DROSHA: variants seen among roughly 807,000 people sequenced by gnomAD.
The protein encoded by DROSHA is drosha ribonuclease III.
DROSHA carries 56 observed loss-of-function variants against 181.9 expected under a neutral mutation model. That is an observed-to-expected ratio of 0.31 (90% confidence interval 0.25 to 0.38). The LOEUF (loss-of-function observed/expected upper bound fraction) is 0.38, where lower values mean the gene tolerates loss of function less well. Ranked by LOEUF, DROSHA falls within the 10% of genes least tolerant of loss-of-function variation. The pLI is 1.00. For missense variants in DROSHA, 1,218 were observed against 1,743.5 expected (o/e 0.70, Z 5.37); for synonymous variants, 524 against 591.2 (o/e 0.89, Z 1.65).
intron 22 of DROSHA, among the ~76,000 whole-genome samples, chr5:31,449,026 T>G (rs1017002091): frequency 3.3e-5 from 5 of 151,938 alleles, no homozygotes; most frequent in African/African-American, 1.2e-4. Context: ...TCCCAGCTAT[T>G]TGGGAGGCTA....
chr5:31,508,508 C>T (rs1448397169), intron 10 of DROSHA, 113 bp downstream of exon 10: 1 of 1,487,068 alleles, frequency 6.7e-7, no homozygotes, highest in Non-Finnish European at 9.2e-7. Context: ...AGGACAAAAC[C>T]CTGACAGTAA....
In DROSHA at chr5:31,454,576, G is replaced by C. The variant is rs554400310; in HGVS notation, c.2575-2936C>G. On this transcript the variant is annotated intron_variant, in intron 20 of 35. Coordinates refer to ENST00000344624, the MANE Select transcript of DROSHA (RefSeq NM_001382508.1). ...AAGTTTCTTAAACAGCAACAGAAAA[G>C]AATCACGATCAAATCCCATTCAAAG... is the stretch of plus-strand genomic sequence containing the variant. Among the ~76,000 whole-genome samples, 7 of 152,102 alleles carry C rather than the reference G, an allele frequency of 4.6e-5. No homozygotes were observed. The South Asian group carries it at 1.5e-3, about 32-fold the overall frequency.
At chr5:31,468,848 G>C (rs539348602) in intron 17 of DROSHA, among the ~76,000 whole-genome samples, 8 of 152,152 alleles carry the variant, frequency 5.3e-5, no homozygotes, top group Non-Finnish European at 1.2e-4. Flanking sequence ...TGGAGGCTAA[G>C]GCTGTTAAAA....
chr5:31,531,624 C>A (rs917009701), intron 1 of DROSHA, 99 bp from the exon 2 acceptor site: 1 of 152,198 alleles, frequency 6.6e-6, no homozygotes, highest in African/African-American at 2.4e-5. Flanking sequence ...CCAGGTGGAT[C>A]TGCAGGGCAG....
chr5:31,487,085 CTAACAT>C (rs1751871992), intron 13 of DROSHA, among the ~76,000 whole-genome samples: 1 of 152,070 alleles, frequency 6.6e-6, no homozygotes, highest in Non-Finnish European at 1.5e-5. Flanking sequence ...ATAATAATAG[CTAACAT>C]TTTTTGAGCC....
intron 16 of DROSHA, among the ~76,000 whole-genome samples, chr5:31,476,474 T>C (rs1029503140): frequency 7.2e-5 from 11 of 152,276 alleles, no homozygotes; most frequent in African/African-American, 2.4e-4. Flanking sequence ...CATAGCAGCA[T>C]AGAAACAAGA....
intron 11 of DROSHA, among the ~76,000 whole-genome samples, chr5:31,503,070 G>C (rs1172362086): frequency 6.6e-6 from 1 of 152,104 alleles, no homozygotes; most frequent in Non-Finnish European, 1.5e-5. Context: ...TCTCACACAT[G>C]GAGGTCCATC....
At chr5:31,488,611 T>G (rs1752057605) in intron 13 of DROSHA, among the ~76,000 whole-genome samples, 1 of 152,110 alleles carries the variant, frequency 6.6e-6, no homozygotes, top group Non-Finnish European at 1.5e-5. Context: ...ATGAACTCTA[T>G]TATGTAGCCC....
chr5:31,462,822 AG>A (rs1215515399), intron 20 of DROSHA, among the ~76,000 whole-genome samples: 1 of 150,268 alleles, frequency 6.7e-6, no homozygotes, highest in Non-Finnish European at 1.5e-5. Context: ...TGGCTCTAGA[AG>A]GGTTTTGTAT....
rs1483009330 is a variant in DROSHA, at chr5:31,411,850, C to T, written c.3526-963G>A. Among the ~76,000 whole-genome samples, 1 of 152,356 alleles carries T rather than the reference C, an allele frequency of 6.6e-6. No homozygotes were observed. Among genetic ancestry groups the T allele is most frequent in the Admixed American group, 6.5e-5 (1 of 15,312 alleles). ...CCATGTTGCCTAGGCTGGTCTCGAA[C>T]TCCAGAGCTCAAGTGATCCACCCAC... On this transcript the variant is annotated intron_variant, in intron 30 of 35. Coordinates refer to ENST00000344624, the MANE Select transcript of DROSHA (RefSeq NM_001382508.1). This position sits in a 1 kb window ranked among gnomAD's most constrained non-coding sequence, Gnocchi z 4.2.
intron 13 of DROSHA, chr5:31,488,864 A>G (rs1752080561): frequency 6.6e-6 from 1 of 152,264 alleles, no homozygotes; most frequent in Non-Finnish European, 1.5e-5. Flanking sequence ...TTACTGAAAT[A>G]TACAGTGACC....
intron 35 of DROSHA, among the ~76,000 whole-genome samples, chr5:31,402,468 TATTTA>T (rs774005068): frequency 3.3e-5 from 5 of 152,108 alleles, no homozygotes; most frequent in Non-Finnish European, 7.3e-5. Flanking sequence ...TGTTCAATTT[TATTTA>T]ATTATTGTTA....
rs1740921880 is a variant in DROSHA, at chr5:31,529,065, T to C, written c.-6A>G. 1 of 1,613,068 alleles carries C rather than the reference T, an allele frequency of 6.2e-7. No individual in the cohort carries two copies. The highest frequency in any genetic ancestry group is 8.5e-7 in the Non-Finnish European group (1 of 1,179,610). On this transcript the variant is annotated 5_prime_UTR_variant, in exon 4 of 36. Transcript: ENST00000344624. ...CATGTGTTTCCCTGCATCATGATGT[T>C]CCGCCTGGATATGTCACATCTTCCA...
intron 28 of DROSHA, 75 bp downstream of exon 28, chr5:31,424,352 G>A (rs1743197504): frequency 6.6e-7 from 1 of 1,526,280 alleles, no homozygotes; most frequent in Non-Finnish European, 8.9e-7. Context: ...AGTGGGGAAG[G>A]AAAAAAAGGC....
intron 26 of DROSHA, among the ~76,000 whole-genome samples, chr5:31,431,359 T>A (rs1744150470): frequency 3.1e-5 from 2 of 64,792 alleles, no homozygotes; most frequent in Admixed American, 2.5e-4. Context: ...ATTCAGGCAG[T>A]AGAATGCAAA....
chr5:31,509,725 C>A (rs1163165639), intron 9 of DROSHA, among the ~76,000 whole-genome samples: 1 of 152,104 alleles, frequency 6.6e-6, no homozygotes, highest in African/African-American at 2.4e-5. Flanking sequence ...GGTGTTAGTC[C>A]TTAAAGTGAC....
At chr5:31,483,994 C>T (rs1380470776) in intron 15 of DROSHA, among the ~76,000 whole-genome samples, 1 of 112,540 alleles carries the variant, frequency 8.9e-6, no homozygotes, top group African/African-American at 2.5e-5. Flanking sequence ...ATTTTAATCA[C>T]TACACTAAAA....
In DROSHA at chr5:31,526,407, T is replaced by G. The variant is rs1350877796; in HGVS notation, c.526A>C (p.Asn176His). The G allele has an allele frequency of 1.9e-6, 3 of 1,610,890 alleles. No individual in the cohort carries two copies. The highest frequency in any genetic ancestry group is 2.5e-6 in the Non-Finnish European group (3 of 1,179,460). The change falls in exon 5 of 36, where the codon AAC becomes CAC. Residue 176 changes from asparagine (N) to histidine (H), a missense_variant. Around this residue, in one of 8 missense-constraint regions of DROSHA, gnomAD observed 536 missense variants for 535.4 expected, o/e 1.00. Coordinates refer to ENST00000344624, the MANE Select transcript of DROSHA (RefSeq NM_001382508.1). ...CTATTAAAACTGGGAGGTGGGAAGT[T>G]GTGGTGAGAATAGCCCGGAGGGTAC... ...YQYPPGYSHH[N>H]FPPPSFNSFQ... is the part of the protein sequence containing the mutation.
intron 27 of DROSHA, among the ~76,000 whole-genome samples, chr5:31,426,088 C>A (rs111225902): frequency 3.8e-4 from 58 of 152,018 alleles, no homozygotes; most frequent in African/African-American, 1.4e-3. Flanking sequence ...TGTCTTATAC[C>A]GAAACAAGAC....
Sources: gnomAD v4.1 joint callset for allele counts (sites outside exome capture counted in the v4.1 genomes callset) on GRCh38, gnomAD v4.1.1 for gene constraint, gnomAD v4.1.1 regional missense constraint, Gnocchi (gnomAD v3.1) non-coding constraint, MANE v1.5 for transcripts, NCBI Gene and HGNC (gene_info 2026-07-23, HGNC 2026-07-21) for gene names.